Variants in SGCD observed in about 807,000 individuals in gnomAD.
SGCD encodes sarcoglycan delta.
In SGCD, 18 loss-of-function variants were observed where a neutral mutation model predicts 36.6. The observed-to-expected ratio is 0.49, with a 90% CI of 0.34 to 0.73. The LOEUF is 0.73. Ranked by LOEUF, SGCD falls within the 30% of genes least tolerant of loss-of-function variation. The probability of loss-of-function intolerance (pLI) is 0.01; values close to 1 mark genes in which losing one functional copy is unlikely to be tolerated. For synonymous variants in SGCD, 133 were observed against 130.6 expected (o/e 1.02, Z -0.12); for missense variants, 387 against 346.7 (o/e 1.12, Z -0.92).
At chr5:155,775,692 C>T in the SGCD span, among the ~76,000 whole-genome samples, 101 of 152,138 alleles carry the variant, frequency 6.6e-4, 1 homozygote, top group South Asian at 4.6e-3. Context: ...GTCAATATGT[C>T]CATTTATTCA....
chr5:155,808,452 C>T, the SGCD span, among the ~76,000 whole-genome samples: 5 of 152,160 alleles, frequency 3.3e-5, no homozygotes, highest in African/African-American at 1.2e-4. Context: ...GAGACAGAGA[C>T]ACCAGCTCTC....
At chr5:156,333,106 C>A (rs940874698) in intron 2 of SGCD, among the ~76,000 whole-genome samples, 4 of 152,144 alleles carry the variant, frequency 2.6e-5, no homozygotes, top group Admixed American at 2.0e-4. Context: ...ATGAGCATTT[C>A]CTTTCCTACC....
intron 3 of SGCD, among the ~76,000 whole-genome samples, chr5:156,176,052 TGCG>T (rs1161989963): frequency 5.9e-5 from 9 of 152,110 alleles, no homozygotes. Context: ...GAAAGTTGCT[TGCG>T]ATTTTCAAAG....
the SGCD span, among the ~76,000 whole-genome samples, chr5:155,776,304 A>G: frequency 1.3e-5 from 2 of 152,154 alleles, no homozygotes; most frequent in Non-Finnish European, 2.9e-5. Context: ...ACTATGGCCA[A>G]GGGTTCAGAG....
chr5:156,373,351 T>C (rs1278920291), intron 3 of SGCD, among the ~76,000 whole-genome samples: 1 of 152,230 alleles, frequency 6.6e-6, no homozygotes, highest in Non-Finnish European at 1.5e-5. Context: ...TAATTTTAGT[T>C]TTAATGTTCC....
rs148773030 is a variant in SGCD, at chr5:155,937,278, G to A, written c.-282+66854G>A. Among the ~76,000 whole-genome samples, 458 of 152,324 alleles carry A rather than the reference G, an allele frequency of 3.0e-3. 1 individual carries two copies. The highest frequency in any genetic ancestry group is 0.011 in the African/African-American group (442 of 41,580). Reference sequence around the variant, plus strand: ...GCCAAGCCATGCCTCCCCCACTGCAGCCAGCATCTTGGCAGCAGCTGCTCC... The same window carrying A: ...GCCAAGCCATGCCTCCCCCACTGCAACCAGCATCTTGGCAGCAGCTGCTCC... On this transcript the variant is annotated intron_variant, in intron 1 of 9. Coordinates refer to the SGCD transcript ENST00000517913.
chr5:156,613,397 G>C (rs866792261), intron 6 of SGCD, among the ~76,000 whole-genome samples: 10 of 152,200 alleles, frequency 6.6e-5, no homozygotes, highest in South Asian at 6.2e-4. Context: ...TGTTGACATA[G>C]TCAGGGCCAG....
the SGCD span, among the ~76,000 whole-genome samples, chr5:155,850,232 G>A: frequency 3.3e-5 from 5 of 152,194 alleles, no homozygotes; most frequent in South Asian, 2.1e-4. Flanking sequence ...CATGTCTGAC[G>A]GCTCTAATAA....
At chr5:155,969,525 G>C (rs961919732) in intron 1 of SGCD, among the ~76,000 whole-genome samples, 1 of 152,110 alleles carries the variant, frequency 6.6e-6, no homozygotes, top group African/African-American at 2.4e-5. Flanking sequence ...GAATGGCCCA[G>C]AGACATTGAA....
chr5:155,992,430 A>G (rs1758451850), intron 1 of SGCD, among the ~76,000 whole-genome samples: 1 of 152,206 alleles, frequency 6.6e-6, no homozygotes, highest in Non-Finnish European at 1.5e-5. Flanking sequence ...AGAACATTGA[A>G]AAATTAGCAT....
chr5:156,239,485 A>T (rs543362452), intron 3 of SGCD, among the ~76,000 whole-genome samples: 49 of 151,980 alleles, frequency 3.2e-4, no homozygotes, highest in South Asian at 4.1e-4. Context: ...AATACTTTTT[A>T]AAAAAATCTA....
At chr5:156,724,933 A>G (rs537547520) in intron 7 of SGCD, among the ~76,000 whole-genome samples, 102 of 152,338 alleles carry the variant, frequency 6.7e-4, no homozygotes, top group African/African-American at 2.4e-3. Flanking sequence ...TTATGGCAGT[A>G]AAATATAATG....
At chr5:156,563,988 A>G (rs184047315) in intron 4 of SGCD, among the ~76,000 whole-genome samples, 49 of 152,362 alleles carry the variant, frequency 3.2e-4, no homozygotes, top group Middle Eastern at 3.4e-3. Flanking sequence ...TGGAATCATT[A>G]TCAAAGGATG....
chr5:155,953,308 A>G (rs1035156832), intron 1 of SGCD, among the ~76,000 whole-genome samples: 44 of 152,300 alleles, frequency 2.9e-4, no homozygotes, highest in Non-Finnish European at 4.7e-4. Context: ...GAGCTCTCCA[A>G]TATCAAGAGA....
chr5:156,689,877 C>T (rs774885019), intron 7 of SGCD, among the ~76,000 whole-genome samples: 6 of 152,160 alleles, frequency 3.9e-5, no homozygotes, highest in Non-Finnish European at 8.8e-5. Context: ...TTGATAAAGA[C>T]ACGAAACACT....
chr5:156,346,893 G>A lies in SGCD; in HGVS notation c.192+2216G>A, dbSNP rs145975177. Reference sequence around the variant, plus strand: ...GCTCACTGCCAGCTCCACCTCCCGGGTTCAAGCCATTCTCCTGCCTCAGCC... The same window carrying A: ...GCTCACTGCCAGCTCCACCTCCCGGATTCAAGCCATTCTCCTGCCTCAGCC... On this transcript the variant is annotated intron_variant, in intron 3 of 8. Transcript: ENST00000337851. 2.2e-3 allele frequency among the ~76,000 whole-genome samples: 336 copies of A among 152,074 alleles called. 4 individuals carry two copies. Among genetic ancestry groups the A allele is most frequent in the African/African-American group, 7.6e-3 (314 of 41,490 alleles).
chr5:155,922,049 C>A (rs773717288), intron 1 of SGCD, among the ~76,000 whole-genome samples: 1 of 152,140 alleles, frequency 6.6e-6, no homozygotes, highest in Admixed American at 6.5e-5. Context: ...AAATTAATTT[C>A]TTTTTTGAAG....
chr5:156,029,349 C>T (rs1013678143), intron 1 of SGCD, among the ~76,000 whole-genome samples: 2 of 152,154 alleles, frequency 1.3e-5, no homozygotes, highest in African/African-American at 2.4e-5. Flanking sequence ...TGGAATGACA[C>T]TGACACACAT....
intron 3 of SGCD, among the ~76,000 whole-genome samples, chr5:156,480,822 C>T (rs569907490): frequency 1.2e-4 from 19 of 152,154 alleles, no homozygotes; most frequent in Non-Finnish European, 2.4e-4. Context: ...GATTAAGGAA[C>T]GTGCTCAATG....
Sources: allele counts gnomAD v4.1 joint callset (sites outside exome capture counted in the v4.1 genomes callset), GRCh38; gene constraint gnomAD v4.1.1; transcripts MANE v1.5; gene names NCBI Gene and HGNC (gene_info 2026-07-23, HGNC 2026-07-21).